The following TMC7 variants were observed in gnomAD, a reference collection of about 807,000 sequenced individuals.
The protein encoded by TMC7 is transmembrane channel like 7, also known as transmembrane channel-like protein 7.
A neutral mutation model predicts 82.9 loss-of-function variants in TMC7; 54 were observed. The observed-to-expected ratio is 0.65, with a 90% CI of 0.52 to 0.82. The LOEUF (loss-of-function observed/expected upper bound fraction) is 0.82. Ranked by LOEUF, TMC7 falls within the 40% of genes least tolerant of loss-of-function variation. TMC7 has a pLI of 0.00. For synonymous variants in TMC7, 350 were observed against 337.9 expected, an observed-to-expected ratio of 1.04 and a Z score of -0.39; for missense variants, 820 against 901.2, an observed-to-expected ratio of 0.91 and a Z score of 1.15.
chr16:19,019,550 A>G (rs755228589), intron 3 of TMC7, among the ~76,000 whole-genome samples: 8 of 152,172 alleles, frequency 5.3e-5, no homozygotes, highest in Non-Finnish European at 1.2e-4. Flanking sequence ...GGAAACTTTC[A>G]TTTAGGTACT....
intron 5 of TMC7, among the ~76,000 whole-genome samples, chr16:19,026,214 C>T (rs1039281625): frequency 2.0e-5 from 3 of 151,702 alleles, no homozygotes; most frequent in Admixed American, 6.6e-5. Flanking sequence ...CAGTGGCTCA[C>T]GCCTGTAATC....
intron 1 of TMC7, among the ~76,000 whole-genome samples, chr16:19,003,456 G>A (rs2142153993): frequency 6.7e-6 from 1 of 149,568 alleles, no homozygotes; most frequent in Admixed American, 6.6e-5. Context: ...GGGAGGTGAG[G>A]GGCGCCTCTG....
chr16:19,012,788 CAAAAAAAAAAAAAAAAAAA>C (rs139163132), intron 2 of TMC7, among the ~76,000 whole-genome samples: 4 of 66,612 alleles, frequency 6.0e-5, no homozygotes, highest in Admixed American at 5.5e-4. Flanking sequence ...GATTCCATCT[CAAAAAAAAAAAAAAAAAAA>C]AAAAAAAAAA....
rs564019419 is a variant in TMC7 at position 19,035,631 on chromosome 16, T to C, written c.858-45T>C. Reference sequence around the variant, plus strand: ...ACACAGCCAATTCAGGGGACTCTCTTTTGCTGTTGTTTCTATAAGAAGGAT... The same window carrying C: ...ACACAGCCAATTCAGGGGACTCTCTCTTGCTGTTGTTTCTATAAGAAGGAT... On this transcript the variant is annotated intron_variant, in intron 6 of 15. Transcript: ENST00000304381. The C allele has an allele frequency of 4.8e-5, 78 of 1,613,102 alleles. 1 individual carries two copies. In the African/African-American group the frequency reaches 9.7e-4, roughly 20 times the overall value.
intron 1 of TMC7, among the ~76,000 whole-genome samples, chr16:19,002,093 C>T (rs922822330): frequency 2.6e-5 from 4 of 152,116 alleles, no homozygotes; most frequent in Non-Finnish European, 5.9e-5. Flanking sequence ...GTGCCCACAT[C>T]CTGGGAGGTT....
chr16:18,999,564 T>C (rs2039105055), intron 1 of TMC7, among the ~76,000 whole-genome samples: 1 of 152,240 alleles, frequency 6.6e-6, no homozygotes, highest in African/African-American at 2.4e-5. Flanking sequence ...GTTGTAGTCC[T>C]AGAACAGTGC....
intron 9 of TMC7, among the ~76,000 whole-genome samples, chr16:19,041,066 ATTTT>A (rs888271577): frequency 6.8e-6 from 1 of 148,116 alleles, no homozygotes; most frequent in Non-Finnish European, 1.5e-5. Context: ...AATTAAAAAA[ATTTT>A]TTTTTTTGTA....
At chr16:19,054,340 C>T (rs754597665) in intron 13 of TMC7, among the ~76,000 whole-genome samples, 4 of 152,120 alleles carry the variant, frequency 2.6e-5, no homozygotes, top group African/African-American at 7.2e-5. Context: ...TGCAGTCTCC[C>T]TCAGGACCTT....
chr16:18,988,566 C>T (rs963828949), intron 1 of TMC7, among the ~76,000 whole-genome samples: 1 of 152,126 alleles, frequency 6.6e-6, no homozygotes, highest in African/African-American at 2.4e-5. Flanking sequence ...GCTGGGCCTA[C>T]AGGCGTGAGC....
chr16:19,051,839 G>T, intron 13 of TMC7, 23 bp downstream of exon 13: 1 of 1,612,768 alleles, frequency 6.2e-7, no homozygotes, highest in South Asian at 1.1e-5. Context: ...TTGTTTTCTA[G>T]AACATTTCAT....
chr16:18,989,846 G>A (rs1306416769), intron 1 of TMC7, among the ~76,000 whole-genome samples: 6 of 151,776 alleles, frequency 4.0e-5, no homozygotes, highest in African/African-American at 1.5e-4. Flanking sequence ...TTTTTGAGAT[G>A]ATATCTAGCT....
In TMC7 at chr16:19,010,017, TCCTC is replaced by T. The variant is rs566813930; in HGVS notation, c.311+620_311+623del. Among the ~76,000 whole-genome samples the T allele has an allele frequency of 9.4e-3, 1,386 of 147,278 alleles. 9 individuals are homozygous for T. The highest frequency in any genetic ancestry group is 0.015 in the Non-Finnish European group (995 of 66,572). On this transcript the variant is annotated intron_variant, in intron 2 of 15. Transcript: ENST00000304381. ...TTCCTTCCTTCCTTCATTCCTCCCTTCCTCCCTCCCTCCCTCCCTCCTTTCTTTC... is the reference window on the plus strand; with the variant it reads ...TTCCTTCCTTCCTTCATTCCTCCCTTCCTCCCTCCCTCCCTCCTTTCTTTC...
chr16:19,047,095 T>A lies in TMC7; in HGVS notation c.1586T>A (p.Leu529Gln), dbSNP rs1961308676. 6.2e-6 allele frequency: 10 copies of A among 1,612,748 alleles called. No homozygotes were observed. The highest frequency in any genetic ancestry group is 8.5e-6 in the Non-Finnish European group (10 of 1,179,560). The change falls in exon 12 of 16, where the codon CTG becomes CAG. Residue 529 changes from leucine (L) to glutamine (Q), a missense_variant. Around this residue, in one of 2 missense-constraint regions of TMC7, gnomAD observed 650 missense variants for 669.9 expected, o/e 0.97. Transcript: ENST00000304381. The stretch of plus-strand genomic sequence containing the variant: ...GTGACCTACTGTTCCTCTTGCAAGC[T>A]GATTCAGTGCTGGGGGCAGCAGGAG... Reference protein sequence around the residue: ...LLVTYCSSCKLIQCWGQQEFA... With the variant: ...LLVTYCSSCKQIQCWGQQEFA...
At chr16:19,031,310 C>G (rs1322491852) in intron 6 of TMC7, among the ~76,000 whole-genome samples, 1 of 152,126 alleles carries the variant, frequency 6.6e-6, no homozygotes, top group Non-Finnish European at 1.5e-5. Flanking sequence ...GCGATGAGCC[C>G]CTGGTGGTTC....
intron 5 of TMC7, among the ~76,000 whole-genome samples, chr16:19,026,713 T>G (rs1960249024): frequency 6.6e-6 from 1 of 152,136 alleles, no homozygotes; most frequent in African/African-American, 2.4e-5. Flanking sequence ...CTTTCTGCAA[T>G]GATCTGGAGA....
At chr16:19,021,897 C>A in intron 4 of TMC7, 101 bp downstream of exon 4, 2 of 1,378,696 alleles carry the variant, frequency 1.5e-6, no homozygotes, top group Non-Finnish European at 2.0e-6. Flanking sequence ...AATTCTTGGG[C>A]GACTGTATTA....
intron 13 of TMC7, among the ~76,000 whole-genome samples, chr16:19,054,032 A>C (rs1367615963): frequency 1.3e-5 from 2 of 151,888 alleles, no homozygotes; most frequent in Non-Finnish European, 2.9e-5. Context: ...AGTCATATGA[A>C]TGGGCCATAA....
In TMC7 at chr16:18,999,032, C is replaced by T. The variant is rs1054285505; in HGVS notation, c.68-10140C>T. Among the ~76,000 whole-genome samples, 16 of 152,270 alleles carry T rather than the reference C, an allele frequency of 1.1e-4. 1 individual carries two copies. Among genetic ancestry groups the T allele is most frequent in the Admixed American group, 9.2e-4 (14 of 15,290 alleles). On this transcript the variant is annotated intron_variant, in intron 1 of 15. Transcript: ENST00000304381. ...GCTCTGGGCTGCTGTGATTGAGGCC[C>T]CTCTATGCTGTATTTATTTATTTTG... is the stretch of plus-strand genomic sequence containing the variant.
intron 1 of TMC7, among the ~76,000 whole-genome samples, chr16:19,004,277 T>A (rs1185352399): frequency 6.6e-6 from 1 of 152,130 alleles, no homozygotes; most frequent in Non-Finnish European, 1.5e-5. Flanking sequence ...TCAGAACAGT[T>A]CTTCCTAGGA....
Sources: gnomAD v4.1 joint callset for allele counts (sites outside exome capture counted in the v4.1 genomes callset) on GRCh38, gnomAD v4.1.1 for gene constraint, gnomAD v4.1.1 regional missense constraint, MANE v1.5 for transcripts, NCBI Gene and HGNC (gene_info 2026-07-23, HGNC 2026-07-21) for gene names.